Variants in SDK1 observed in about 807,000 individuals in gnomAD.
The protein encoded by SDK1 is protein sidekick-1.
Under a neutral mutation model 245.5 loss-of-function variants are expected in SDK1, and 157 were observed. That is an observed-to-expected ratio of 0.64 (90% confidence interval 0.56 to 0.73). SDK1 has a LOEUF of 0.73. Among genes scored for constraint, SDK1 ranks in the 30% least tolerant of loss-of-function variants. The probability of loss-of-function intolerance (pLI) is 0.00; values close to 1 mark genes in which losing one functional copy is unlikely to be tolerated. For missense variants in SDK1, 3,583 were observed against 3,002.3 expected (o/e 1.19, Z -4.52); for synonymous variants, 1,647 against 1,278.5 (o/e 1.29, Z -6.15).
At chr7:4,003,910 C>G (rs1241923660) in intron 14 of SDK1, among the ~76,000 whole-genome samples, 1 of 152,196 alleles carries the variant, frequency 6.6e-6, no homozygotes, top group Admixed American at 6.5e-5. Context: ...CCAAGACAAG[C>G]TCATCTTCTC....
At chr7:3,822,450 G>C (rs1385950173) in intron 5 of SDK1, among the ~76,000 whole-genome samples, 1 of 152,156 alleles carries the variant, frequency 6.6e-6, no homozygotes, top group East Asian at 1.9e-4. Context: ...TGTCTTGAAG[G>C]AATCGTTTCC....
At chr7:4,239,450 G>A (rs952964177) in intron 42 of SDK1, among the ~76,000 whole-genome samples, 2 of 152,140 alleles carry the variant, frequency 1.3e-5, no homozygotes, top group African/African-American at 2.4e-5. Flanking sequence ...TTTGATTATC[G>A]TCAATTTTAA....
intron 1 of SDK1, among the ~76,000 whole-genome samples, chr7:3,378,726 C>G (rs968601311): frequency 6.6e-6 from 1 of 151,984 alleles, no homozygotes; most frequent in African/African-American, 2.4e-5. Context: ...AAGGTTCTCA[C>G]GCAGGAGCTC....
chr7:3,500,643 G>T (rs1782168078), intron 1 of SDK1, among the ~76,000 whole-genome samples: 1 of 151,858 alleles, frequency 6.6e-6, no homozygotes, highest in African/African-American at 2.4e-5. Context: ...ATTTTCCTTT[G>T]TGCTCGGTAC....
At chr7:3,942,716 T>C (rs976327948) in intron 5 of SDK1, among the ~76,000 whole-genome samples, 1 of 152,220 alleles carries the variant, frequency 6.6e-6, no homozygotes, top group Non-Finnish European at 1.5e-5. Context: ...GAATCCTGTT[T>C]CTACAAAAAG....
At chr7:4,210,791 C>T (rs1441878269) in intron 38 of SDK1, among the ~76,000 whole-genome samples, 1 of 152,204 alleles carries the variant, frequency 6.6e-6, no homozygotes, top group African/African-American at 2.4e-5. Flanking sequence ...CCAGGCAGTT[C>T]CTATTCCAGG....
intron 16 of SDK1, among the ~76,000 whole-genome samples, chr7:4,016,435 A>G (rs938593422): frequency 1.1e-4 from 16 of 152,268 alleles, no homozygotes; most frequent in African/African-American, 3.9e-4. Context: ...AGACTGAATC[A>G]TGGAGAAACA....
At chr7:3,617,220 T>G (rs1242273394) in intron 1 of SDK1, among the ~76,000 whole-genome samples, 3 of 152,262 alleles carry the variant, frequency 2.0e-5, no homozygotes, top group African/African-American at 4.8e-5. Flanking sequence ...ATTAGTGTTA[T>G]TATATTTATT....
At chr7:3,868,341 A>G (rs1780871115) in intron 5 of SDK1, among the ~76,000 whole-genome samples, 3 of 152,218 alleles carry the variant, frequency 2.0e-5, no homozygotes, top group Admixed American at 2.0e-4. Flanking sequence ...TGTAGTTATT[A>G]AATACCATCA....
intron 4 of SDK1, among the ~76,000 whole-genome samples, chr7:3,669,139 AGGTGG>A (rs1783620445): frequency 3.9e-5 from 6 of 152,246 alleles, no homozygotes; most frequent in Non-Finnish European, 5.9e-5. Context: ...TGAACAAATA[AGGTGG>A]TAAAACATAT....
intron 28 of SDK1, among the ~76,000 whole-genome samples, chr7:4,136,086 G>T: frequency 6.6e-6 from 1 of 152,198 alleles, no homozygotes; most frequent in East Asian, 1.9e-4. Context: ...GTGAGGAGAA[G>T]GATAATCACT....
chr7:4,022,750 C>T (rs933114137), intron 17 of SDK1, among the ~76,000 whole-genome samples: 24 of 151,732 alleles, frequency 1.6e-4, no homozygotes, highest in Non-Finnish European at 3.1e-4. Context: ...GGCCACACTC[C>T]TCGTTTTTCT....
At chr7:3,375,847 C>G (rs1781343317) in intron 1 of SDK1, among the ~76,000 whole-genome samples, 1 of 152,202 alleles carries the variant, frequency 6.6e-6, no homozygotes, top group Non-Finnish European at 1.5e-5. Context: ...AACTAAGCTG[C>G]TCCTGAATTT....
At chr7:4,004,848 C>G (rs1785340785) in intron 14 of SDK1, among the ~76,000 whole-genome samples, 1 of 151,146 alleles carries the variant, frequency 6.6e-6, no homozygotes, top group African/African-American at 2.4e-5. Context: ...TCTTTTTACA[C>G]TTGCATCAGG....
chr7:3,891,016 G>T (rs1374320938), intron 5 of SDK1, among the ~76,000 whole-genome samples: 2 of 152,184 alleles, frequency 1.3e-5, no homozygotes, highest in African/African-American at 4.8e-5. Flanking sequence ...CCTTAGCTGG[G>T]CTCTATGTGT....
chr7:3,731,847 A>G lies in SDK1; in HGVS notation c.714-89603A>G, dbSNP rs201874013. ...TTGCTCTGTCACCAGGCTGGAGTGC[A>G]GTGGCGTGATGTTGGCTCACTGCAA... On this transcript the variant is annotated intron_variant, in intron 4 of 44. Coordinates refer to ENST00000404826, the MANE Select transcript of SDK1 (RefSeq NM_152744.4). 5.8e-4 allele frequency among the ~76,000 whole-genome samples: 89 copies of G among 152,288 alleles called. No individual in the cohort carries two copies. The East Asian group carries it at 0.017, about 29-fold the overall frequency.
chr7:3,506,485 A>C (rs1278199190), intron 1 of SDK1, among the ~76,000 whole-genome samples: 3 of 152,172 alleles, frequency 2.0e-5, no homozygotes, highest in African/African-American at 7.2e-5. Context: ...GCTTTCATAA[A>C]ATATAATTTG....
At chr7:3,761,380 C>T (rs1279470033) in intron 4 of SDK1, among the ~76,000 whole-genome samples, 1 of 150,508 alleles carries the variant, frequency 6.6e-6, no homozygotes, top group African/African-American at 2.4e-5. Flanking sequence ...CGGTGAAACC[C>T]CATCTCTACT....
At position 3,508,881 on chromosome 7, in the gene SDK1, T is replaced by C. The variant is rs567240898; in HGVS notation, c.299-110199T>C. On this transcript the variant is annotated intron_variant, in intron 1 of 44. Coordinates refer to ENST00000404826, the MANE Select transcript of SDK1 (RefSeq NM_152744.4). ...GGGGATGGATAAATGAAGGAATGAA[T>C]GATATTATAGGAAGTGAGTATTTTA... is the stretch of plus-strand genomic sequence containing the variant. 3.3e-5 allele frequency among the ~76,000 whole-genome samples: 5 copies of C among 152,346 alleles called. No homozygotes were observed. The East Asian group carries it at 9.6e-4, about 29-fold the overall frequency.
Sources: gnomAD v4.1 joint callset for allele counts (sites outside exome capture counted in the v4.1 genomes callset) on GRCh38, gnomAD v4.1.1 for gene constraint, MANE v1.5 for transcripts, NCBI Gene and HGNC (gene_info 2026-07-23, HGNC 2026-07-21) for gene names.